Variants in RIT2 observed in about 807,000 individuals in gnomAD.
RIT2 encodes GTP-binding protein Rit2.
A neutral mutation model predicts 23.7 loss-of-function variants in RIT2; 24 were observed. That is an observed-to-expected ratio of 1.01 (90% CI 0.73 to 1.43). The LOEUF (loss-of-function observed/expected upper bound fraction) is 1.43, where lower values mean the gene tolerates loss of function less well. Among genes scored for constraint, RIT2 ranks in the 40% most tolerant of loss-of-function variants. The probability of loss-of-function intolerance (pLI) is 0.00; values close to 1 mark genes in which losing one functional copy is unlikely to be tolerated. For synonymous variants in RIT2, 107 were observed against 91.1 expected (o/e 1.17, Z -0.99); for missense variants, 236 against 266.9 (o/e 0.88, Z 0.81).
intron 4 of RIT2, among the ~76,000 whole-genome samples, chr18:42,845,736 T>C (rs993806777): frequency 9.3e-5 from 14 of 151,178 alleles, no homozygotes; most frequent in Non-Finnish European, 2.1e-4. Flanking sequence ...AAGCTAGAAA[T>C]CATTAAATAC....
chr18:42,766,723 C>T (rs2143908659), intron 4 of RIT2, among the ~76,000 whole-genome samples: 2 of 152,310 alleles, frequency 1.3e-5, no homozygotes, highest in South Asian at 4.1e-4. Context: ...GCAGCCCCTC[C>T]TATCACTGGC....
At chr18:42,752,650 T>A (rs1913073859) in intron 4 of RIT2, among the ~76,000 whole-genome samples, 1 of 152,160 alleles carries the variant, frequency 6.6e-6, no homozygotes. Flanking sequence ...ATGTGAGGTT[T>A]TACAACTTAA....
intron 1 of RIT2, among the ~76,000 whole-genome samples, chr18:43,094,169 G>A (rs1418557501): frequency 7.6e-6 from 1 of 132,374 alleles, no homozygotes; most frequent in Admixed American, 8.6e-5. Context: ...AATATGATTC[G>A]GCATGGCTCT....
At chr18:42,759,524 A>G (rs1229596610) in intron 4 of RIT2, among the ~76,000 whole-genome samples, 1 of 152,068 alleles carries the variant, frequency 6.6e-6, no homozygotes, top group Non-Finnish European at 1.5e-5. Context: ...ATGGTGCACA[A>G]GACAAGAGCA....
At chr18:42,843,248 T>A (rs1018667690) in intron 4 of RIT2, among the ~76,000 whole-genome samples, 3 of 152,192 alleles carry the variant, frequency 2.0e-5, no homozygotes, top group African/African-American at 7.2e-5. Flanking sequence ...TGGAGCATTA[T>A]TCGAAAAAAT....
intron 1 of RIT2, among the ~76,000 whole-genome samples, chr18:43,077,341 A>G (rs1455109014): frequency 6.6e-6 from 1 of 152,204 alleles, no homozygotes; most frequent in Non-Finnish European, 1.5e-5. Context: ...GGTAGCTAAT[A>G]GAATCTCATT....
intron 4 of RIT2, among the ~76,000 whole-genome samples, chr18:42,752,540 T>C (rs1332754228): frequency 6.6e-6 from 1 of 152,132 alleles, no homozygotes; most frequent in African/African-American, 2.4e-5. Flanking sequence ...TCTACTATCT[T>C]CCATTAAGCA....
chr18:42,879,262 C>T (rs1228049467), intron 4 of RIT2, among the ~76,000 whole-genome samples: 12 of 152,078 alleles, frequency 7.9e-5, no homozygotes, highest in Admixed American at 1.3e-4. Context: ...ACATTTTCTC[C>T]TGTATTGTTC....
At chr18:42,903,046 A>G (rs1908518840) in intron 4 of RIT2, among the ~76,000 whole-genome samples, 1 of 149,004 alleles carries the variant, frequency 6.7e-6, no homozygotes, top group African/African-American at 2.6e-5. Context: ...GCATAAAAAT[A>G]GTAGAAAAAG....
chr18:42,977,620 C>T (rs1910504199), intron 2 of RIT2, among the ~76,000 whole-genome samples: 2 of 151,784 alleles, frequency 1.3e-5, no homozygotes, highest in Admixed American at 1.3e-4. Context: ...CAAAAACACA[C>T]ATGGGCACAT....
intron 4 of RIT2, among the ~76,000 whole-genome samples, chr18:42,922,695 A>G (rs1369407052): frequency 6.6e-6 from 1 of 152,112 alleles, no homozygotes; most frequent in Non-Finnish European, 1.5e-5. Context: ...TGACCAGAAG[A>G]GAAGAAAATA....
intron 3 of RIT2, among the ~76,000 whole-genome samples, chr18:42,969,657 A>G (rs1421890042): frequency 6.6e-6 from 1 of 150,926 alleles, no homozygotes; most frequent in Admixed American, 6.6e-5. Flanking sequence ...AATTGACTGG[A>G]TATGTTAGCA....
intron 2 of RIT2, among the ~76,000 whole-genome samples, chr18:42,988,334 A>T (rs1598739704): frequency 6.6e-6 from 1 of 152,238 alleles, no homozygotes; most frequent in East Asian, 1.9e-4. Flanking sequence ...CATAAAATTA[A>T]CCCATGATTT....
At chr18:42,826,086 A>G (rs1017720187) in intron 4 of RIT2, among the ~76,000 whole-genome samples, 1 of 152,060 alleles carries the variant, frequency 6.6e-6, no homozygotes, top group Non-Finnish European at 1.5e-5. Flanking sequence ...ATCTTGCTAA[A>G]TCCCTCATTA....
At chr18:42,785,278 T>C (rs973568372) in intron 4 of RIT2, among the ~76,000 whole-genome samples, 2 of 152,116 alleles carry the variant, frequency 1.3e-5, no homozygotes, top group Admixed American at 1.3e-4. Context: ...ATAGTTGGCA[T>C]AGTTGATTAC....
intron 4 of RIT2, among the ~76,000 whole-genome samples, chr18:42,845,207 A>G (rs1047017244): frequency 3.9e-5 from 6 of 152,070 alleles, no homozygotes; most frequent in African/African-American, 1.4e-4. Context: ...TTCAGGGATC[A>G]TGAGTAGAGA....
At chr18:42,930,658 C>G (rs1262067055) in intron 3 of RIT2, among the ~76,000 whole-genome samples, 2 of 152,108 alleles carry the variant, frequency 1.3e-5, no homozygotes, top group Admixed American at 6.6e-5. Context: ...TAAGGGCCAT[C>G]ATGTCCCATA....
intron 4 of RIT2, among the ~76,000 whole-genome samples, chr18:42,890,910 C>T (rs1245102657): frequency 1.3e-5 from 2 of 152,102 alleles, no homozygotes; most frequent in Non-Finnish European, 2.9e-5. Context: ...GCTAAACTAT[C>T]ACTGGAAATA....
chr18:42,886,148 G>A (rs988470143), intron 4 of RIT2, among the ~76,000 whole-genome samples: 1 of 152,182 alleles, frequency 6.6e-6, no homozygotes, highest in Non-Finnish European at 1.5e-5. Context: ...ATGATAAGCT[G>A]CTGATTAAAG....
Sources: gnomAD v4.1 joint callset for allele counts (sites outside exome capture counted in the v4.1 genomes callset) on GRCh38, gnomAD v4.1.1 for gene constraint, MANE v1.5 for transcripts, NCBI Gene and HGNC (gene_info 2026-07-23, HGNC 2026-07-21) for gene names.